RBBP6: variants seen among roughly 807,000 people sequenced by gnomAD.
The protein encoded by RBBP6 is E3 ubiquitin-protein ligase RBBP6.
A neutral mutation model predicts 167.7 loss-of-function variants in RBBP6; 25 were observed. The observed-to-expected ratio is 0.15, with a 90% CI of 0.11 to 0.21. The LOEUF (loss-of-function observed/expected upper bound fraction) is 0.21. Among genes scored for constraint, RBBP6 ranks in the 10% least tolerant of loss-of-function variants. The pLI is 1.00. For missense variants in RBBP6, 1,868 were observed against 2,134.2 expected, an observed-to-expected ratio of 0.88 and a Z score of 2.46; for synonymous variants, 789 against 735.8, an observed-to-expected ratio of 1.07 and a Z score of -1.17.
At chr16:24,549,293 G>A in intron 3 of RBBP6, 3 of 1,180,038 alleles carry the variant, frequency 2.5e-6, no homozygotes, top group Non-Finnish European at 3.1e-6. Flanking sequence ...TTACACTAAG[G>A]AACATGATGA....
chr16:24,552,642 A>G (rs1898824116), intron 3 of RBBP6, among the ~76,000 whole-genome samples: 1 of 151,756 alleles, frequency 6.6e-6, no homozygotes, highest in Non-Finnish European at 1.5e-5. Flanking sequence ...CTCTTTGCAC[A>G]GAACAGTTTA....
chr16:24,559,718 A>G, intron 8 of RBBP6, 41 bp downstream of exon 8: 1 of 1,462,752 alleles, frequency 6.8e-7, no homozygotes, highest in Non-Finnish European at 9.1e-7. Flanking sequence ...ATTTTAGAAT[A>G]TTTGTATTTA....
intron 7 of RBBP6, among the ~76,000 whole-genome samples, chr16:24,556,872 T>G (rs1264735640): frequency 6.6e-6 from 1 of 152,142 alleles, no homozygotes; most frequent in Non-Finnish European, 1.5e-5. Flanking sequence ...CAGGCATAAA[T>G]GAAATACTGA....
chr16:24,548,286 G>A (rs1898709834), intron 2 of RBBP6, among the ~76,000 whole-genome samples: 1 of 147,294 alleles, frequency 6.8e-6, no homozygotes, highest in South Asian at 2.1e-4. Flanking sequence ...TGATTATATT[G>A]TGTTTTTCTG....
Position 24,546,271 on chromosome 16 carries a change from C to A in RBBP6, c.266+9C>A. ...AGCAAGACATATGTTATGTAAGTAT[C>A]AAATCTCATGTATTTCTCAAAATAG... On this transcript the variant is annotated intron_variant, in intron 2 of 17. Transcript: ENST00000319715. The A allele has an allele frequency of 1.9e-6, 3 of 1,544,832 alleles. No homozygotes were observed. The highest frequency in any genetic ancestry group is 2.3e-5 in the Admixed American group (1 of 43,460).
In RBBP6 at chr16:24,561,804, A is replaced by T; in HGVS notation, c.952-20A>T. The T allele has an allele frequency of 6.2e-7, 1 of 1,607,228 alleles. No homozygotes were observed. Among genetic ancestry groups the T allele is most frequent in the Non-Finnish European group, 8.5e-7 (1 of 1,174,660 alleles). Reference sequence around the variant, plus strand: ...ATACTGCATAACATTTTTCTGCATTATTATGCTTGGTATCTGTAGGCTGTA... The same window carrying T: ...ATACTGCATAACATTTTTCTGCATTTTTATGCTTGGTATCTGTAGGCTGTA... On this transcript the variant is annotated intron_variant, in intron 9 of 17. Coordinates refer to ENST00000319715, the MANE Select transcript of RBBP6 (RefSeq NM_006910.5).
In RBBP6 at chr16:24,570,927, T is replaced by C; in HGVS notation, c.3861T>C (p.Asp1287=). 1.3e-6 allele frequency: 2 copies of C among 1,593,960 alleles called. No homozygotes were observed. Among genetic ancestry groups the C allele is most frequent in the South Asian group, 1.1e-5 (1 of 88,472 alleles). ...TGCGGAAATCTGAAGAAAAAACAGA[T>C]ACAAAGCGAACTGTGATTAAAACGA... ...SPVRKSEEKT[D]TKRTVIKTME... Residue 1287 remains aspartate (D), a synonymous_variant, in exon 18 of 18, where the codon GAT becomes GAC. Coordinates refer to ENST00000319715, the MANE Select transcript of RBBP6 (RefSeq NM_006910.5).
Position 24,563,673 on chromosome 16 carries a change from A to T in RBBP6, c.1520+9A>T, listed in dbSNP as rs180831030. The T allele has an allele frequency of 8.7e-6, 14 of 1,608,696 alleles. No individual in the cohort carries two copies. Among genetic ancestry groups the T allele is most frequent in the Non-Finnish European group, 1.2e-5 (14 of 1,177,324 alleles). ...CGACCAGGCTGGGAACAGTGAGTAG[A>T]TGTTTACAATAATCTTCAGATGATT... is the stretch of plus-strand genomic sequence containing the variant. On this transcript the variant is annotated intron_variant, in intron 13 of 17. Transcript: ENST00000319715.
chr16:24,552,470 C>T (rs193166484), intron 3 of RBBP6, among the ~76,000 whole-genome samples: 43 of 151,832 alleles, frequency 2.8e-4, no homozygotes, highest in African/African-American at 9.2e-4. Context: ...CCACTTACTA[C>T]GTAGGAAGCT....
chr16:24,555,748 G>GT (rs759820516), intron 5 of RBBP6, 45 bp downstream of exon 5: 1 of 1,590,328 alleles, frequency 6.3e-7, no homozygotes, highest in Non-Finnish European at 8.6e-7. Context: ...TTTGGGGTGG[G>GT]TTTTCCCCCC....
chr16:24,572,573 CTTGA>C lies in RBBP6; in HGVS notation c.*131_*134del, dbSNP rs1347730152. 94 of 1,282,804 alleles carry C rather than the reference CTTGA, an allele frequency of 7.3e-5. No homozygotes were observed. The East Asian group carries it at 2.0e-3, about 27-fold the overall frequency. The allele number at this position is 1,282,804 out of a possible 1,614,324, so 79.5% of individuals were successfully genotyped here. ...CTGTGCTGCACTTAAAATATTGCTG[CTTGA>C]TTATTTGATTTTTACATCAGAGCTT... On this transcript the variant is annotated 3_prime_UTR_variant, in exon 18 of 18. Transcript: ENST00000319715.
intron 6 of RBBP6, 74 bp downstream of exon 6, chr16:24,555,991 T>C: frequency 7.5e-7 from 1 of 1,337,778 alleles, no homozygotes; most frequent in East Asian, 2.4e-5. Flanking sequence ...ATCTTATTTT[T>C]CTTGGTTAAT....
At chr16:24,542,672 AG>A (rs1173132005) in intron 1 of RBBP6, among the ~76,000 whole-genome samples, 3 of 152,134 alleles carry the variant, frequency 2.0e-5, no homozygotes, top group Admixed American at 6.5e-5. Context: ...CTTGCTGGCC[AG>A]GCTGGTCTCG....
intron 16 of RBBP6, among the ~76,000 whole-genome samples, chr16:24,568,224 C>CTACA (rs1899240370): frequency 6.6e-6 from 1 of 152,186 alleles, no homozygotes; most frequent in Non-Finnish European, 1.5e-5. Context: ...TACCATAAGG[C>CTACA]TACAGCTTCT....
In RBBP6 at chr16:24,540,524, TTGAG is replaced by T; in HGVS notation, c.-100_-97del. The T allele has an allele frequency of 8.2e-7, 1 of 1,223,662 alleles. No individual in the cohort carries two copies. Among genetic ancestry groups the T allele is most frequent in the Non-Finnish European group, 1.1e-6 (1 of 877,890 alleles). 75.8% of individuals were successfully genotyped at this position (1,223,662 alleles called of 1,614,324 possible). A position where few individuals can be genotyped will look rare whatever the true frequency, so the allele number is the denominator to read the frequency against. ...GAGGCCTTAGGGTCCTTCGGTGTCT[TTGAG>T]TGTTTTGTGTGTACATATTTTGCTC... On this transcript the variant is annotated 5_prime_UTR_variant, in exon 1 of 18. Coordinates refer to ENST00000319715, the MANE Select transcript of RBBP6 (RefSeq NM_006910.5).
chr16:24,552,863 T>G (rs983312726), intron 3 of RBBP6: 2 of 151,944 alleles, frequency 1.3e-5, no homozygotes, highest in Non-Finnish European at 2.9e-5. Flanking sequence ...TCTTCAAATA[T>G]TAGAGTCCAT....
chr16:24,549,407 T>C (rs910886882), intron 3 of RBBP6: 2 of 996,116 alleles, frequency 2.0e-6, no homozygotes, highest in Non-Finnish European at 2.4e-6. Context: ...GTGTATATTT[T>C]GCCATTTTCA....
In RBBP6 at chr16:24,567,247, A is replaced by G. The variant is rs764510182; in HGVS notation, c.1694A>G (p.Tyr565Cys). ...GTACCTGTTCCACCACCTCCTTTGT[A>G]TCCGCCTCCTCCCCATACACTTCCT... ...VFVPVPPPPL[Y>C]PPPPHTLPLP... The change falls in exon 15 of 18, where the codon TAT (tyrosine) becomes TGT (cysteine). Residue 565 changes from tyrosine to cysteine, a missense_variant. Tyr to Cys is a radical substitution (Grantham distance 194). Coordinates refer to ENST00000319715, the MANE Select transcript of RBBP6 (RefSeq NM_006910.5). 5.6e-6 allele frequency: 9 copies of G among 1,613,920 alleles called. No homozygotes were observed. The highest frequency in any genetic ancestry group is 1.1e-5 in the South Asian group (1 of 91,074).
Position 24,569,815 on chromosome 16 carries a change from A to G in RBBP6, c.3125A>G (p.Gln1042Arg). The G allele has an allele frequency of 6.2e-7, 1 of 1,611,936 alleles. No individual in the cohort carries two copies. The highest frequency in any genetic ancestry group is 8.5e-7 in the Non-Finnish European group (1 of 1,179,522). Residue 1042 changes from glutamine (Q) to arginine (R), a missense_variant, in exon 17 of 18, where the codon CAA becomes CGA. Around this residue, in one of 7 missense-constraint regions of RBBP6, gnomAD observed 673 missense variants for 691.5 expected, o/e 0.97. Transcript: ENST00000319715. ...ENIVKPAKGP[Q>R]EKVDGERERS... Reference sequence around the variant, plus strand: ...ATTGTAAAACCTGCTAAAGGACCCCAAGAAAAAGTAGATGGAGAACGTGAG... The same window carrying G: ...ATTGTAAAACCTGCTAAAGGACCCCGAGAAAAAGTAGATGGAGAACGTGAG...
Sources: allele counts gnomAD v4.1 joint callset (sites outside exome capture counted in the v4.1 genomes callset), GRCh38; gene constraint gnomAD v4.1.1; regional missense constraint gnomAD v4.1.1; transcripts MANE v1.5; gene names NCBI Gene and HGNC (gene_info 2026-07-23, HGNC 2026-07-21).